Variants in SAXO1 observed in about 807,000 individuals in gnomAD.
The protein encoded by SAXO1 is stabilizer of axonemal microtubules 1, also known as 4930500O09Rik.
A neutral mutation model predicts 17.5 loss-of-function variants in SAXO1; 21 were observed. The observed-to-expected ratio is 1.20, with a 90% CI of 0.85 to 1.72. The LOEUF (loss-of-function observed/expected upper bound fraction) is 1.72. SAXO1 is among the 40% of genes most tolerant of loss of function. The probability of loss-of-function intolerance (pLI) is 0.00; values close to 1 mark genes in which losing one functional copy is unlikely to be tolerated. For synonymous variants in SAXO1, 274 were observed against 216.5 expected, an observed-to-expected ratio of 1.27 and a Z score of -2.33; for missense variants, 843 against 596.0, an observed-to-expected ratio of 1.41 and a Z score of -4.32.
chr9:19,020,788 T>C (rs1453719296), intron 1 of SAXO1, among the ~76,000 whole-genome samples: 2 of 152,064 alleles, frequency 1.3e-5, no homozygotes. Context: ...ATGTTGAACA[T>C]GACAAAGCTA....
At chr9:18,930,330 A>G (rs1405157650) in intron 3 of SAXO1, among the ~76,000 whole-genome samples, 1 of 152,158 alleles carries the variant, frequency 6.6e-6, no homozygotes. Flanking sequence ...TGCAGTAGAG[A>G]TGGCCTCCAT....
At chr9:18,975,777 C>T (rs1394253741) in intron 1 of SAXO1, among the ~76,000 whole-genome samples, 1 of 152,152 alleles carries the variant, frequency 6.6e-6, no homozygotes, top group East Asian at 1.9e-4. Flanking sequence ...GTGGAGTGAG[C>T]ACGTAAAACA....
intron 2 of SAXO1, among the ~76,000 whole-genome samples, chr9:18,945,101 G>C (rs1042917357): frequency 1.3e-5 from 2 of 152,068 alleles, no homozygotes; most frequent in Non-Finnish European, 2.9e-5. Context: ...TAAAGGTAAA[G>C]AGTAAAACAA....
Position 19,032,774 on chromosome 9 carries a change from T to C in SAXO1, c.38+97A>G. ...ACGTAGCAAGTGGACGAACCCACCG[T>C]GATGCCGCCTGATGAAGCAGCTGGG... is the stretch of plus-strand genomic sequence containing the variant. On this transcript the variant is annotated intron_variant, in intron 1 of 3. Transcript: ENST00000380534. 2.2e-6 allele frequency: 3 copies of C among 1,383,562 alleles called. No homozygotes were observed. In the Middle Eastern group the frequency reaches 5.4e-4, roughly 249 times the overall value. 85.7% of individuals were successfully genotyped at this position (1,383,562 alleles called of 1,614,324 possible). A position where few individuals can be genotyped will look rare whatever the true frequency, so the allele number is the denominator to read the frequency against.
chr9:18,978,782 G>A (rs1419709886), intron 1 of SAXO1, among the ~76,000 whole-genome samples: 1 of 152,206 alleles, frequency 6.6e-6, no homozygotes, highest in Non-Finnish European at 1.5e-5. Context: ...CCTGAGTCCT[G>A]TCAGAGAAGC....
chr9:19,032,960 C>G lies in SAXO1; in HGVS notation c.-52G>C. ...CCCTCAGAGCATCGCCAGCTGCAGC[C>G]GACTCCTAGACCCCAACCACCTGTC... On this transcript the variant is annotated 5_prime_UTR_variant, in exon 1 of 4. Transcript: ENST00000380534. The G allele has an allele frequency of 6.4e-7, 1 of 1,574,010 alleles. No individual in the cohort carries two copies. The highest frequency in any genetic ancestry group is 1.7e-4 in the Middle Eastern group (1 of 5,938).
At position 19,032,972 on chromosome 9, in the gene SAXO1, C is replaced by G. The variant is rs988177222; in HGVS notation, c.-64G>C. The G allele has an allele frequency of 8.2e-5, 126 of 1,543,468 alleles. No homozygotes were observed. The highest frequency in any genetic ancestry group is 1.5e-4 in the Admixed American group (8 of 53,722). On this transcript the variant is annotated 5_prime_UTR_variant, in exon 1 of 4. Coordinates refer to ENST00000380534, the MANE Select transcript of SAXO1 (RefSeq NM_153707.4). Reference sequence around the variant, plus strand: ...CGCCAGCTGCAGCCGACTCCTAGACCCCAACCACCTGTCTTGGGGCACGCC... The same window carrying G: ...CGCCAGCTGCAGCCGACTCCTAGACGCCAACCACCTGTCTTGGGGCACGCC...
At chr9:18,932,839 T>C (rs1166235375) in intron 3 of SAXO1, among the ~76,000 whole-genome samples, 1 of 152,242 alleles carries the variant, frequency 6.6e-6, no homozygotes, top group Non-Finnish European at 1.5e-5. Context: ...TTGTCCATGC[T>C]AGAATACAGA....
At chr9:19,028,015 G>A in intron 1 of SAXO1, 2 of 1,602,634 alleles carry the variant, frequency 1.2e-6, no homozygotes, top group African/African-American at 1.3e-5. Flanking sequence ...GGCTGTGTCT[G>A]TGGAGGCGGG....
intron 2 of SAXO1, 109 bp from the exon 3 acceptor site, chr9:18,941,948 T>G (rs1157679137): frequency 1.0e-6 from 1 of 1,002,576 alleles, no homozygotes; most frequent in Non-Finnish European, 1.5e-6. Flanking sequence ...TGTTCTACTC[T>G]ACCTGCCTTC....
intron 1 of SAXO1, among the ~76,000 whole-genome samples, chr9:19,018,177 A>C (rs140412880): frequency 7.7e-4 from 117 of 152,172 alleles, no homozygotes; most frequent in East Asian, 3.9e-3. Flanking sequence ...CAAAAAAAAA[A>C]AAACAAACAA....
rs1588386272 is a variant in SAXO1, at chr9:18,927,886, C to T, written c.*166G>A. The stretch of plus-strand genomic sequence containing the variant: ...TTAGCCGGTGATTAAATGTCATTTT[C>T]CCTGAGTCAAGTGATTCTCATTTTA... On this transcript the variant is annotated 3_prime_UTR_variant, in exon 4 of 4. Coordinates refer to ENST00000380534, the MANE Select transcript of SAXO1 (RefSeq NM_153707.4). 1.5e-6 allele frequency: 1 copy of T among 683,238 alleles called. No homozygotes were observed. The allele number at this position is 683,238 out of a possible 1,614,324, so 42.3% of individuals were successfully genotyped here. A position where few individuals can be genotyped will look rare whatever the true frequency, so the allele number is the denominator to read the frequency against.
At chr9:18,984,118 T>C (rs1305209666) in intron 1 of SAXO1, among the ~76,000 whole-genome samples, 2 of 152,242 alleles carry the variant, frequency 1.3e-5, no homozygotes, top group African/African-American at 4.8e-5. Flanking sequence ...TTATCTTTTT[T>C]CTGAGCAGTA....
At chr9:19,038,263 A>G (rs994632103) in intron 1 of SAXO1, among the ~76,000 whole-genome samples, 6 of 152,120 alleles carry the variant, frequency 3.9e-5, no homozygotes, top group African/African-American at 2.4e-5. Context: ...CTGGGTATAT[A>G]CCCAAAGGAC....
At chr9:18,991,793 C>G (rs1004519888) in intron 1 of SAXO1, among the ~76,000 whole-genome samples, 1 of 152,170 alleles carries the variant, frequency 6.6e-6, no homozygotes, top group Non-Finnish European at 1.5e-5. Context: ...CTACCCCCAC[C>G]TGCCAGTCCA....
chr9:18,971,549 A>C (rs553654579), intron 1 of SAXO1, among the ~76,000 whole-genome samples: 6 of 152,306 alleles, frequency 3.9e-5, no homozygotes, highest in African/African-American at 1.4e-4. Context: ...AATATTTTTC[A>C]ACAAGCATGT....
At chr9:19,028,213 A>AC in intron 1 of SAXO1, 1 of 1,016,870 alleles carries the variant, frequency 9.8e-7, no homozygotes, top group Non-Finnish European at 1.5e-6. Flanking sequence ...AACAAAACAA[A>AC]AAAAATACAA....
intron 1 of SAXO1, among the ~76,000 whole-genome samples, chr9:18,998,272 GA>G (rs1341153545): frequency 6.6e-6 from 1 of 152,088 alleles, no homozygotes; most frequent in Non-Finnish European, 1.5e-5. Context: ...GAGCTTAAAT[GA>G]CCTCGTGGAT....
At chr9:19,012,849 T>C (rs1045119925) in intron 1 of SAXO1, among the ~76,000 whole-genome samples, 3 of 152,204 alleles carry the variant, frequency 2.0e-5, no homozygotes, top group Non-Finnish European at 2.9e-5. Flanking sequence ...GCCAGGTTAA[T>C]ATTAAGGGAG....
Sources: allele counts gnomAD v4.1 joint callset (sites outside exome capture counted in the v4.1 genomes callset), GRCh38; gene constraint gnomAD v4.1.1; transcripts MANE v1.5; gene names NCBI Gene and HGNC (gene_info 2026-07-23, HGNC 2026-07-21).